Variants in WDFY3 observed in about 807,000 individuals in gnomAD.
WDFY3 encodes WD repeat and FYVE domain containing 3, also known as WD repeat and FYVE domain-containing protein 3.
WDFY3 carries 66 observed loss-of-function variants against 409.6 expected under a neutral mutation model. The ratio of observed to expected loss-of-function variants is 0.16; its 90% confidence interval spans 0.13 to 0.20. The LOEUF (loss-of-function observed/expected upper bound fraction) is 0.20. WDFY3 is among the 10% of genes least tolerant of loss of function. The probability of loss-of-function intolerance (pLI) is 1.00; values close to 1 mark genes in which losing one functional copy is unlikely to be tolerated. For missense variants in WDFY3, 3,031 were observed against 4,298.1 expected (o/e 0.71, Z 8.24); for synonymous variants, 1,521 against 1,537.1 (o/e 0.99, Z 0.25).
At chr4:84,681,793 T>C (rs1272449611) in intron 64 of WDFY3, among the ~76,000 whole-genome samples, 3 of 152,220 alleles carry the variant, frequency 2.0e-5, no homozygotes, top group Non-Finnish European at 2.9e-5. Context: ...CATTATGGCA[T>C]TGCTTTCAGT....
intron 3 of WDFY3, among the ~76,000 whole-genome samples, chr4:84,883,251 T>C (rs1035177392): frequency 6.6e-6 from 1 of 152,182 alleles, no homozygotes; most frequent in Non-Finnish European, 1.5e-5. Context: ...TTTTAAAAAA[T>C]GCCTTTGGGG....
intron 53 of WDFY3, among the ~76,000 whole-genome samples, chr4:84,708,633 T>C (rs1480254540): frequency 2.6e-5 from 4 of 151,678 alleles, no homozygotes; most frequent in African/African-American, 4.8e-5. Context: ...CTCCACCTCC[T>C]GGGCTAAAGT....
intron 9 of WDFY3, among the ~76,000 whole-genome samples, chr4:84,828,646 T>C (rs1755211475): frequency 6.6e-6 from 1 of 152,172 alleles, no homozygotes; most frequent in South Asian, 2.1e-4. Flanking sequence ...CTCATGACTG[T>C]AATCTCAGAA....
chr4:84,766,149 TA>T (rs1418486894), intron 31 of WDFY3, 102 bp downstream of exon 31: 3 of 1,488,308 alleles, frequency 2.0e-6, no homozygotes, highest in Non-Finnish European at 2.7e-6. Flanking sequence ...ATTTCAGGGT[TA>T]AAAAAATCTA....
chr4:84,854,553 T>A (rs1759481968), intron 4 of WDFY3, among the ~76,000 whole-genome samples: 1 of 152,220 alleles, frequency 6.6e-6, no homozygotes, highest in South Asian at 2.1e-4. Flanking sequence ...AGCATGAAGC[T>A]GGGTGTCAGA....
chr4:84,875,357 A>G (rs1203897818), intron 3 of WDFY3, among the ~76,000 whole-genome samples: 1 of 152,110 alleles, frequency 6.6e-6, no homozygotes, highest in African/African-American at 2.4e-5. Flanking sequence ...ACACCTGCAC[A>G]GAGCACTAGT....
intron 4 of WDFY3, among the ~76,000 whole-genome samples, chr4:84,856,559 A>G (rs763163032): frequency 7.2e-5 from 11 of 152,178 alleles, no homozygotes; most frequent in Non-Finnish European, 1.5e-4. Flanking sequence ...AAGAGGGAAG[A>G]TAACAGCAGC....
intron 20 of WDFY3, 69 bp downstream of exon 20, chr4:84,794,810 A>G: frequency 6.6e-7 from 1 of 1,518,872 alleles, no homozygotes. Context: ...CAACAAAAGC[A>G]AATAAACTCT....
intron 65 of WDFY3, among the ~76,000 whole-genome samples, chr4:84,678,502 A>G (rs1378865942): frequency 6.6e-6 from 1 of 152,188 alleles, no homozygotes; most frequent in East Asian, 1.9e-4. Context: ...GAGACAAACT[A>G]ATGAGAAGGA....
chr4:84,737,056 T>G, intron 41 of WDFY3, 128 bp downstream of exon 41: 2 of 971,942 alleles, frequency 2.1e-6, no homozygotes, highest in Non-Finnish European at 3.0e-6. Context: ...CTAGAATGGT[T>G]GTTATATTGA....
intron 17 of WDFY3, among the ~76,000 whole-genome samples, chr4:84,801,376 T>G (rs2149646576): frequency 6.6e-6 from 1 of 152,302 alleles, no homozygotes; most frequent in African/African-American, 2.4e-5. Context: ...TTATTAAATA[T>G]AAAGTAAACG....
intron 44 of WDFY3, among the ~76,000 whole-genome samples, chr4:84,731,704 A>G (rs2149159552): frequency 6.6e-6 from 1 of 152,304 alleles, no homozygotes; most frequent in Middle Eastern, 3.4e-3. Context: ...TGAACTCTTA[A>G]TAGGGTACTT....
At position 84,787,569 on chromosome 4, in the gene WDFY3, C is replaced by T. The variant is rs748262508; in HGVS notation, c.3814G>A (p.Glu1272Lys). The change falls in exon 23 of 68, where the codon GAA becomes AAA. Residue 1272 changes from glutamate (E) to lysine (K), a missense_variant. Physicochemically the swap from Glu to Lys is moderately conservative, Grantham distance 56. This residue lies in a region of WDFY3 where 1,322 missense variants were observed against 1,697.9 expected (regional missense o/e 0.78). Coordinates refer to ENST00000295888, the MANE Select transcript of WDFY3 (RefSeq NM_014991.6). ...ACATTTGAAGAAGGTAAAACTTCTT[C>T]TAGAAAATGTGTGGGTCCCAGGCGC... ...VWRLGPTHFLEEVLPSSNVTT... is the reference protein window; with the variant it reads ...VWRLGPTHFLKEVLPSSNVTT... The T allele has an allele frequency of 6.2e-7, 1 of 1,614,128 alleles. No homozygotes were observed. The highest frequency in any genetic ancestry group is 8.5e-7 in the Non-Finnish European group (1 of 1,180,028).
At chr4:84,963,581 T>C (rs564045058) in intron 1 of WDFY3, among the ~76,000 whole-genome samples, 1 of 152,330 alleles carries the variant, frequency 6.6e-6, no homozygotes, top group African/African-American at 2.4e-5. Context: ...TAACAGAGGT[T>C]AGTATCATTA....
intron 67 of WDFY3, among the ~76,000 whole-genome samples, chr4:84,675,171 G>A (rs1241893159): frequency 6.6e-6 from 1 of 151,912 alleles, no homozygotes; most frequent in Non-Finnish European, 1.5e-5. Flanking sequence ...GGCCAGGCTG[G>A]TCTCGAACTC....
intron 36 of WDFY3, among the ~76,000 whole-genome samples, chr4:84,744,971 G>C (rs1426797855): frequency 1.3e-5 from 2 of 150,258 alleles, no homozygotes; most frequent in African/African-American, 2.4e-5. Context: ...GTGGGTTTTT[G>C]TAAGGAGGAC....
At chr4:84,811,736 A>G (rs982153667) in intron 13 of WDFY3, among the ~76,000 whole-genome samples, 1 of 152,106 alleles carries the variant, frequency 6.6e-6, no homozygotes, top group African/African-American at 2.4e-5. Context: ...TTTTTAAAAG[A>G]TCTCACACAT....
intron 1 of WDFY3, among the ~76,000 whole-genome samples, chr4:84,963,180 T>C (rs571972062): frequency 2.0e-5 from 3 of 150,986 alleles, no homozygotes; most frequent in African/African-American, 7.3e-5. Context: ...TACCAGCATT[T>C]TGGGAGACAG....
At chr4:84,797,942 C>G (rs1317949772) in intron 18 of WDFY3, 54 bp downstream of exon 18, 1 of 1,422,766 alleles carries the variant, frequency 7.0e-7, no homozygotes, top group African/African-American at 1.4e-5. Flanking sequence ...ATATTCATCC[C>G]CTACATGATT....
Sources: gnomAD v4.1 joint callset for allele counts (sites outside exome capture counted in the v4.1 genomes callset) on GRCh38, gnomAD v4.1.1 for gene constraint, gnomAD v4.1.1 regional missense constraint, MANE v1.5 for transcripts, NCBI Gene and HGNC (gene_info 2026-07-23, HGNC 2026-07-21) for gene names.